The following ROBO1 variants were observed in gnomAD, a reference collection of about 807,000 sequenced individuals.
ROBO1 encodes roundabout homolog 1.
ROBO1 carries 149 observed loss-of-function variants against 195.9 expected under a neutral mutation model. The ratio of observed to expected loss-of-function variants is 0.76; its 90% CI spans 0.67 to 0.87. ROBO1 has a LOEUF of 0.87. ROBO1 is among the 40% of genes least tolerant of loss of function. The pLI, the probability that ROBO1 is intolerant of heterozygous loss-of-function variation, is 0.00. For synonymous variants in ROBO1, 816 were observed against 733.2 expected (o/e 1.11, Z -1.82); for missense variants, 1,933 against 2,068.3 (o/e 0.93, Z 1.27).
At chr3:79,481,690 C>T (rs1284538544) in intron 2 of ROBO1, among the ~76,000 whole-genome samples, 1 of 152,078 alleles carries the variant, frequency 6.6e-6, no homozygotes, top group African/African-American at 2.4e-5. Flanking sequence ...CTTTATTGAT[C>T]TCTAGTTGTC....
intron 4 of ROBO1, among the ~76,000 whole-genome samples, chr3:78,854,809 G>C (rs533377842): frequency 1.6e-4 from 25 of 152,126 alleles, no homozygotes; most frequent in African/African-American, 6.0e-4. Context: ...AAGATTATAG[G>C]TTCCTTTCAC....
At chr3:79,253,715 G>A (rs1248517263) in intron 2 of ROBO1, among the ~76,000 whole-genome samples, 1 of 152,192 alleles carries the variant, frequency 6.6e-6, no homozygotes, top group Non-Finnish European at 1.5e-5. Flanking sequence ...ATTCCTGCAA[G>A]TGCAAAAATC....
intron 2 of ROBO1, among the ~76,000 whole-genome samples, chr3:79,456,301 T>C (rs950435560): frequency 6.6e-6 from 1 of 152,136 alleles, no homozygotes; most frequent in African/African-American, 2.4e-5. Context: ...TCAGAAGCTG[T>C]TAGAGCAGTA....
At chr3:78,988,053 G>A (rs191435707) in intron 3 of ROBO1, among the ~76,000 whole-genome samples, 1 of 152,140 alleles carries the variant, frequency 6.6e-6, no homozygotes. Flanking sequence ...CTTTTGGTGA[G>A]TAAATAGACA....
Position 78,598,849 on chromosome 3 carries a change from A to G in ROBO1, c.*64T>C. On this transcript the variant is annotated 3_prime_UTR_variant, in exon 31 of 31. Transcript: ENST00000464233. ...AACATTTTATCTGGCGTCATGTGTCATCTGACAGGAGGCATCTTGAGTGAT... is the reference window on the plus strand; with the variant it reads ...AACATTTTATCTGGCGTCATGTGTCGTCTGACAGGAGGCATCTTGAGTGAT... 1 of 1,125,818 alleles carries G rather than the reference A, an allele frequency of 8.9e-7. No homozygotes were observed. Among genetic ancestry groups the G allele is most frequent in the Non-Finnish European group, 1.3e-6 (1 of 775,370 alleles). 69.7% of individuals were successfully genotyped at this position (1,125,818 alleles called of 1,614,324 possible). A position where few individuals can be genotyped will look rare whatever the true frequency, so the allele number is the denominator to read the frequency against.
intron 1 of ROBO1, among the ~76,000 whole-genome samples, chr3:79,631,495 T>A (rs186449501): frequency 6.6e-6 from 1 of 152,020 alleles, no homozygotes; most frequent in Non-Finnish European, 1.5e-5. Context: ...TTGAGATGGA[T>A]TAAAGACTTA....
At chr3:79,219,621 T>G (rs140604644) in intron 2 of ROBO1, among the ~76,000 whole-genome samples, 1 of 151,980 alleles carries the variant, frequency 6.6e-6, no homozygotes, top group East Asian at 1.9e-4. Flanking sequence ...AACAAGCATA[T>G]CATTTAATTA....
intron 1 of ROBO1, among the ~76,000 whole-genome samples, chr3:79,718,609 T>C (rs2107279358): frequency 6.6e-6 from 1 of 152,086 alleles, no homozygotes; most frequent in African/African-American, 2.4e-5. Flanking sequence ...CATACTGTGT[T>C]TAAGGAATAA....
chr3:78,840,253 G>A (rs1460641665), intron 4 of ROBO1, among the ~76,000 whole-genome samples: 4 of 152,120 alleles, frequency 2.6e-5, no homozygotes, highest in Admixed American at 6.5e-5. Context: ...AAAATGCTGC[G>A]ATTTGGTAAT....
At chr3:79,733,290 C>CTTTCTCA (rs1487472196) in intron 1 of ROBO1, among the ~76,000 whole-genome samples, 1 of 152,162 alleles carries the variant, frequency 6.6e-6, no homozygotes, top group Non-Finnish European at 1.5e-5. Context: ...GTTAGAAAAA[C>CTTTCTCA]TTTCTCATAT....
chr3:79,188,213 T>A (rs912907656), intron 2 of ROBO1, among the ~76,000 whole-genome samples: 3 of 151,922 alleles, frequency 2.0e-5, no homozygotes, highest in Non-Finnish European at 4.4e-5. Flanking sequence ...TTTTTATAAC[T>A]ATATTTGTAA....
chr3:78,681,675 C>T (rs566399772), intron 10 of ROBO1, among the ~76,000 whole-genome samples: 3 of 152,148 alleles, frequency 2.0e-5, no homozygotes, highest in South Asian at 2.1e-4. Flanking sequence ...GAGGCCGAGG[C>T]GGGTGGATCA....
At chr3:79,496,067 G>A (rs1939715078) in intron 2 of ROBO1, among the ~76,000 whole-genome samples, 1 of 151,698 alleles carries the variant, frequency 6.6e-6, no homozygotes. Context: ...ACAAATATTA[G>A]CCAGGTGTGG....
In ROBO1 at chr3:79,028,948, G is replaced by A. The variant is rs116675264; in HGVS notation, c.173-90021C>T. Among the ~76,000 whole-genome samples, 553 of 152,064 alleles carry A rather than the reference G, an allele frequency of 3.6e-3. 7 individuals carry two copies. Among genetic ancestry groups the A allele is most frequent in the African/African-American group, 0.012 (507 of 41,518 alleles). ...AAGGGCAATAAATTAAGACATAAGC[G>A]CTTTTCCTAAATAGTTACCTTTGGA... On this transcript the variant is annotated intron_variant, in intron 3 of 30. Transcript: ENST00000464233.
At chr3:78,782,202 T>TC (rs1559850092) in intron 4 of ROBO1, among the ~76,000 whole-genome samples, 1 of 152,084 alleles carries the variant, frequency 6.6e-6, no homozygotes, top group Non-Finnish European at 1.5e-5. Flanking sequence ...TTCTTTTTTT[T>TC]TTCTTCTTTT....
At chr3:78,796,916 G>T (rs964016071) in intron 4 of ROBO1, among the ~76,000 whole-genome samples, 1 of 152,134 alleles carries the variant, frequency 6.6e-6, no homozygotes, top group African/African-American at 2.4e-5. Flanking sequence ...GCATAGTTAT[G>T]ATTTGTAATT....
intron 2 of ROBO1, among the ~76,000 whole-genome samples, chr3:79,307,892 A>T (rs1201959655): frequency 6.6e-6 from 1 of 152,130 alleles, no homozygotes; most frequent in Non-Finnish European, 1.5e-5. Context: ...ATTATATAAT[A>T]TGTGTTAATA....
chr3:79,650,611 A>AC (rs920852279), intron 1 of ROBO1, among the ~76,000 whole-genome samples: 15 of 151,236 alleles, frequency 9.9e-5, no homozygotes, highest in African/African-American at 2.7e-4. Context: ...TAGAAAAAAA[A>AC]CCCTTAATTA....
In ROBO1 at chr3:78,627,604, C is replaced by T. The variant is rs955265947; in HGVS notation, c.3627-35G>A. ...ATGATAAGGATGTGTAGACTTACTT[C>T]AGGTTATTCAAATAAACTATTTGGA... On this transcript the variant is annotated intron_variant, in intron 25 of 30. Coordinates refer to ENST00000464233, the MANE Select transcript of ROBO1 (RefSeq NM_002941.4). 2.6e-6 allele frequency: 4 copies of T among 1,558,288 alleles called. No homozygotes were observed. In the African/African-American group the frequency reaches 5.5e-5, roughly 21 times the overall value.
Sources: gnomAD v4.1 joint callset for allele counts (sites outside exome capture counted in the v4.1 genomes callset) on GRCh38, gnomAD v4.1.1 for gene constraint, MANE v1.5 for transcripts, NCBI Gene and HGNC (gene_info 2026-07-23, HGNC 2026-07-21) for gene names.